ADAMTSL3: variants seen among roughly 807,000 people sequenced by gnomAD.
ADAMTSL3 encodes the protein ADAMTS like 3.
A neutral mutation model predicts 201.7 loss-of-function variants in ADAMTSL3; 128 were observed. The observed-to-expected ratio is 0.63, with a 90% CI of 0.55 to 0.73. The LOEUF (loss-of-function observed/expected upper bound fraction) is 0.73, where lower values mean the gene tolerates loss of function less well. ADAMTSL3 is among the 30% of genes least tolerant of loss of function. The pLI, the probability that ADAMTSL3 is intolerant of heterozygous loss-of-function variation, is 0.00. For synonymous variants in ADAMTSL3, 738 were observed against 748.4 expected (o/e 0.99, Z 0.23); for missense variants, 1,990 against 2,119.6 (o/e 0.94, Z 1.20).
chr15:83,903,929 A>G lies in ADAMTSL3; in HGVS notation c.1700+4198A>G, dbSNP rs1567226019. On this transcript the variant is annotated intron_variant, in intron 15 of 29. Coordinates refer to ENST00000286744, the MANE Select transcript of ADAMTSL3 (RefSeq NM_207517.3). The stretch of plus-strand genomic sequence containing the variant: ...CCAGACTCCACATCAAAAAAAAAAA[A>G]AAAAAAAAAAAAAAAGAAAAAAGAA... 8.8e-3 allele frequency among the ~76,000 whole-genome samples: 214 copies of G among 24,182 alleles called. 19 individuals are homozygous for G. The highest frequency in any genetic ancestry group is 0.04 in the East Asian group (16 of 398). 15.9% of individuals were successfully genotyped at this position (24,182 alleles called of 152,430 possible).
At chr15:83,908,158 C>T (rs1224981144) in intron 15 of ADAMTSL3, among the ~76,000 whole-genome samples, 1 of 152,166 alleles carries the variant, frequency 6.6e-6, no homozygotes, top group Non-Finnish European at 1.5e-5. Flanking sequence ...GATTCATATG[C>T]TGTCATCCTG....
intron 15 of ADAMTSL3, among the ~76,000 whole-genome samples, chr15:83,902,516 C>T (rs977215172): frequency 2.6e-5 from 4 of 152,144 alleles, no homozygotes; most frequent in Non-Finnish European, 4.4e-5. Flanking sequence ...GTGATCCACC[C>T]GCCTCAGCCC....
intron 3 of ADAMTSL3, chr15:83,739,773 A>G: frequency 1.9e-6 from 1 of 538,378 alleles, no homozygotes; most frequent in Non-Finnish European, 3.6e-6. Flanking sequence ...GGAGCCCTAG[A>G]AGTCCCCATC....
At chr15:83,948,970 G>A (rs2066709734) in intron 19 of ADAMTSL3, among the ~76,000 whole-genome samples, 1 of 151,536 alleles carries the variant, frequency 6.6e-6, no homozygotes, top group Non-Finnish European at 1.5e-5. Flanking sequence ...TGGAGAATGG[G>A]GTATCCATCC....
At chr15:83,695,225 G>A (rs2061667747) in intron 2 of ADAMTSL3, among the ~76,000 whole-genome samples, 1 of 140 alleles carries the variant, frequency 7.1e-3, no homozygotes, top group Non-Finnish European at 0.013. Context: ...GTGTGTGTGT[G>A]TAATGTGTGT....
At chr15:83,748,373 C>T (rs1472107023) in intron 3 of ADAMTSL3, among the ~76,000 whole-genome samples, 3 of 152,130 alleles carry the variant, frequency 2.0e-5, no homozygotes, top group African/African-American at 7.2e-5. Flanking sequence ...GCAGGCTGGG[C>T]ATGGTGGCTC....
At position 83,938,631 on chromosome 15, in the gene ADAMTSL3, C is replaced by CT. The variant is rs201327533; in HGVS notation, c.2118-3956dup. 5.3e-5 allele frequency among the ~76,000 whole-genome samples: 8 copies of CT among 151,480 alleles called. No homozygotes were observed. The East Asian group carries it at 9.7e-4, about 18-fold the overall frequency. On this transcript the variant is annotated intron_variant, in intron 17 of 29. Coordinates refer to ENST00000286744, the MANE Select transcript of ADAMTSL3 (RefSeq NM_207517.3). ...TTCTCTGGAGTTGGCAATCTCCTTACTTTTTTTTTGTTTGCCTAATTTCAA... is the reference window on the plus strand; with the variant it reads ...TTCTCTGGAGTTGGCAATCTCCTTACTTTTTTTTTTGTTTGCCTAATTTCAA...
chr15:83,763,119 A>T (rs2062834838), intron 3 of ADAMTSL3, among the ~76,000 whole-genome samples: 2 of 151,692 alleles, frequency 1.3e-5, no homozygotes, highest in Non-Finnish European at 2.9e-5. Context: ...GAACTCTTGA[A>T]CCTCAAGTGA....
intron 2 of ADAMTSL3, among the ~76,000 whole-genome samples, chr15:83,674,678 CAT>C (rs1238901721): frequency 3.5e-5 from 2 of 57,470 alleles, no homozygotes; most frequent in Non-Finnish European, 7.4e-5. Flanking sequence ...TATATACACA[CAT>C]ATATACATAT....
intron 13 of ADAMTSL3, among the ~76,000 whole-genome samples, chr15:83,894,435 T>G (rs2065572810): frequency 6.6e-6 from 1 of 152,224 alleles, no homozygotes; most frequent in African/African-American, 2.4e-5. Flanking sequence ...TTCAACATGT[T>G]GTGAATGTTG....
Position 83,896,315 on chromosome 15 carries a change from G to A in ADAMTSL3, c.1468-1543G>A, listed in dbSNP as rs117393412. ...CTGGGGTGGATCCAGAATTAGTGGG[G>A]TCTGAAGTTTGTACAGATTGGAGGG... On this transcript the variant is annotated intron_variant, in intron 13 of 29. Transcript: ENST00000286744. Among the ~76,000 whole-genome samples the A allele has an allele frequency of 9.7e-3, 1,478 of 152,276 alleles. 18 individuals carry two copies. The highest frequency in any genetic ancestry group is 0.016 in the Non-Finnish European group (1,068 of 68,018).
At chr15:83,979,006 G>T (rs1359614492) in intron 20 of ADAMTSL3, among the ~76,000 whole-genome samples, 1 of 152,246 alleles carries the variant, frequency 6.6e-6, no homozygotes, top group African/African-American at 2.4e-5. Flanking sequence ...TGAGGGACAT[G>T]TGGTACCAGT....
At chr15:83,716,330 C>T (rs1334179099) in intron 3 of ADAMTSL3, among the ~76,000 whole-genome samples, 4 of 132,998 alleles carry the variant, frequency 3.0e-5, no homozygotes, top group African/African-American at 1.3e-4. Context: ...TAGTGAAACC[C>T]TGTCTCTACT....
chr15:83,897,665 T>C (rs531394383), intron 13 of ADAMTSL3, among the ~76,000 whole-genome samples, 193 bp from the exon 14 acceptor site: 2 of 152,312 alleles, frequency 1.3e-5, no homozygotes, highest in Middle Eastern at 6.8e-3. Flanking sequence ...AACAAGGTTG[T>C]ACAAAAGAGG....
chr15:83,808,915 C>CAAA (rs548968833), intron 5 of ADAMTSL3, among the ~76,000 whole-genome samples: 7 of 96,818 alleles, frequency 7.2e-5, no homozygotes, highest in African/African-American at 2.0e-4. Context: ...ACGTGGAATC[C>CAAA]AAAAAAAAAA....
At chr15:83,977,322 T>C (rs1406491509) in intron 20 of ADAMTSL3, among the ~76,000 whole-genome samples, 3 of 152,020 alleles carry the variant, frequency 2.0e-5, no homozygotes, top group Non-Finnish European at 4.4e-5. Flanking sequence ...GCCAGAAAGG[T>C]TGGGGACTGC....
At chr15:83,822,365 G>T (rs1488870455) in intron 6 of ADAMTSL3, among the ~76,000 whole-genome samples, 1 of 149,470 alleles carries the variant, frequency 6.7e-6, no homozygotes, top group Non-Finnish European at 1.5e-5. Flanking sequence ...AGACGGGGCG[G>T]CTGCCGGGCG....
chr15:83,909,066 C>T (rs1412149201), intron 15 of ADAMTSL3, among the ~76,000 whole-genome samples: 1 of 152,194 alleles, frequency 6.6e-6, no homozygotes, highest in Non-Finnish European at 1.5e-5. Context: ...TTTGAGCCAG[C>T]AACAGTGGGT....
chr15:83,924,126 C>T, intron 17 of ADAMTSL3, 93 bp downstream of exon 17: 1 of 1,486,394 alleles, frequency 6.7e-7, no homozygotes, highest in Non-Finnish European at 9.1e-7. Flanking sequence ...CTTGTGGCTT[C>T]ACCCAAGGTA....
Sources: allele counts gnomAD v4.1 joint callset (sites outside exome capture counted in the v4.1 genomes callset), GRCh38; gene constraint gnomAD v4.1.1; transcripts MANE v1.5; gene names NCBI Gene and HGNC (gene_info 2026-07-23, HGNC 2026-07-21).